ATP2B2: variants seen among roughly 807,000 people sequenced by gnomAD.
ATP2B2 encodes the protein ATPase plasma membrane Ca2+ transporting 2, also known as plasma membrane calcium-transporting ATPase 2.
Under a neutral mutation model 120.0 loss-of-function variants are expected in ATP2B2, and 15 were observed. The ratio of observed to expected loss-of-function variants is 0.12; its 90% CI spans 0.08 to 0.19. The LOEUF (loss-of-function observed/expected upper bound fraction) is 0.19. Among genes scored for constraint, ATP2B2 ranks in the 10% least tolerant of loss-of-function variants. The pLI is 1.00. For missense variants in ATP2B2, 1,045 were observed against 1,719.8 expected (o/e 0.61, Z 6.94); for synonymous variants, 694 against 700.3 (o/e 0.99, Z 0.14).
intron 1 of ATP2B2, among the ~76,000 whole-genome samples, chr3:10,650,372 G>A (rs1440483926): frequency 6.6e-6 from 1 of 152,150 alleles, no homozygotes; most frequent in South Asian, 2.1e-4. Flanking sequence ...ACGATTTAAG[G>A]TATATGGCAG....
intron 12 of ATP2B2, among the ~76,000 whole-genome samples, chr3:10,362,209 G>A (rs776145191): frequency 1.8e-4 from 27 of 152,170 alleles, no homozygotes; most frequent in Non-Finnish European, 2.6e-4. Context: ...CTGCATCCTC[G>A]TCCTCAGTCT....
intron 2 of ATP2B2, among the ~76,000 whole-genome samples, chr3:10,541,116 A>T (rs769755036): frequency 2.0e-5 from 3 of 151,808 alleles, no homozygotes; most frequent in Non-Finnish European, 4.4e-5. Flanking sequence ...TCTTTGTTTC[A>T]TTCTCAATTT....
intron 2 of ATP2B2, among the ~76,000 whole-genome samples, chr3:10,542,796 T>C (rs1305769079): frequency 6.6e-6 from 1 of 152,220 alleles, no homozygotes; most frequent in Non-Finnish European, 1.5e-5. Flanking sequence ...AATGTATTTT[T>C]TGTCTTGATG....
chr3:10,460,586 G>A (rs1291739394), intron 1 of ATP2B2, among the ~76,000 whole-genome samples: 2 of 152,212 alleles, frequency 1.3e-5, no homozygotes, highest in East Asian at 3.8e-4. Context: ...AGTTCTGTGA[G>A]CAAGCATGGG....
At chr3:10,572,370 T>TA (rs1347801908) in intron 2 of ATP2B2, among the ~76,000 whole-genome samples, 1 of 152,166 alleles carries the variant, frequency 6.6e-6, no homozygotes, top group Non-Finnish European at 1.5e-5. Context: ...ACAATCCACA[T>TA]AAAATCCTTA....
At chr3:10,358,210 G>C (rs1207440703) in intron 14 of ATP2B2, among the ~76,000 whole-genome samples, 1 of 152,222 alleles carries the variant, frequency 6.6e-6, no homozygotes, top group Admixed American at 6.5e-5. Context: ...TCTGCACTGG[G>C]AGAACTATAA....
chr3:10,335,146 G>T (rs558585354), intron 22 of ATP2B2, among the ~76,000 whole-genome samples: 2 of 152,278 alleles, frequency 1.3e-5, no homozygotes, highest in African/African-American at 4.8e-5. Context: ...GATGAAGGAG[G>T]GGCCACAGTC....
At chr3:10,613,738 C>A (rs1296122219) in intron 2 of ATP2B2, among the ~76,000 whole-genome samples, 1 of 151,934 alleles carries the variant, frequency 6.6e-6, no homozygotes, top group Admixed American at 6.5e-5. Flanking sequence ...CTGCTTCCGC[C>A]CTTGCCCCCT....
At chr3:10,590,084 G>A (rs1405052988) in intron 2 of ATP2B2, among the ~76,000 whole-genome samples, 1 of 152,192 alleles carries the variant, frequency 6.6e-6, no homozygotes, top group African/African-American at 2.4e-5. Context: ...TCCCATGGAC[G>A]CTACTCAGCA....
chr3:10,544,948 T>C (rs1302638113), intron 2 of ATP2B2, among the ~76,000 whole-genome samples: 1 of 152,220 alleles, frequency 6.6e-6, no homozygotes, highest in Non-Finnish European at 1.5e-5. Flanking sequence ...TCCAGCAGTA[T>C]TGTTTGAAAG....
chr3:10,655,991 A>G (rs1385097770), intron 1 of ATP2B2, among the ~76,000 whole-genome samples: 1 of 152,210 alleles, frequency 6.6e-6, no homozygotes, highest in African/African-American at 2.4e-5. Context: ...TAGCTGAGAG[A>G]GCGGGGAAAA....
intron 8 of ATP2B2, 84 bp from the exon 9 acceptor site, chr3:10,379,368 T>C (rs574113193): frequency 1.4e-6 from 2 of 1,456,154 alleles, no homozygotes; most frequent in African/African-American, 2.8e-5. Flanking sequence ...GCCACAGACA[T>C]TAATGTCACA....
chr3:10,468,154 C>T (rs2064830544), intron 1 of ATP2B2, among the ~76,000 whole-genome samples: 1 of 152,230 alleles, frequency 6.6e-6, no homozygotes. Flanking sequence ...CACCCTGCTC[C>T]CCTCCTCTCT....
intron 2 of ATP2B2, among the ~76,000 whole-genome samples, chr3:10,613,556 AC>A (rs1306281723): frequency 6.6e-6 from 1 of 151,852 alleles, no homozygotes; most frequent in African/African-American, 2.4e-5. Context: ...GTCAAAACAC[AC>A]CCCATCACCT....
At chr3:10,525,037 A>G (rs773188620) in intron 3 of ATP2B2, among the ~76,000 whole-genome samples, 7 of 152,194 alleles carry the variant, frequency 4.6e-5, no homozygotes, top group African/African-American at 2.4e-5. Context: ...CTCTCAGAAC[A>G]GGAGCTACCT....
At chr3:10,450,156 C>T (rs1411040211) in intron 1 of ATP2B2, among the ~76,000 whole-genome samples, 1 of 152,148 alleles carries the variant, frequency 6.6e-6, no homozygotes, top group African/African-American at 2.4e-5. Context: ...ACACACATCC[C>T]CCGACATATA....
intron 3 of ATP2B2, among the ~76,000 whole-genome samples, chr3:10,403,666 A>T (rs1015270875): frequency 3.9e-5 from 6 of 152,202 alleles, no homozygotes; most frequent in African/African-American, 1.2e-4. Context: ...CCTTCCTGCA[A>T]AACTCAGAGC....
chr3:10,486,331 G>GCA (rs56340475), intron 1 of ATP2B2, among the ~76,000 whole-genome samples: 7 of 54,922 alleles, frequency 1.3e-4, no homozygotes, highest in Non-Finnish European at 3.7e-4. Context: ...GTGCGTGTGT[G>GCA]TGTGTGTGTG....
chr3:10,372,726 A>G (rs2061278252), intron 11 of ATP2B2, among the ~76,000 whole-genome samples: 1 of 152,208 alleles, frequency 6.6e-6, no homozygotes, highest in Non-Finnish European at 1.5e-5. Context: ...TTGTATATCA[A>G]CATCCTTTTT....
Sources: allele counts gnomAD v4.1 joint callset (sites outside exome capture counted in the v4.1 genomes callset), GRCh38; gene constraint gnomAD v4.1.1; transcripts MANE v1.5; gene names NCBI Gene and HGNC (gene_info 2026-07-23, HGNC 2026-07-21).